Variants in INSYN2B observed in about 807,000 individuals in gnomAD.
INSYN2B encodes protein INSYN2B.
Under a neutral mutation model 41.2 loss-of-function variants are expected in INSYN2B, and 16 were observed. That is an observed-to-expected ratio of 0.39 (90% CI 0.26 to 0.59). INSYN2B has a LOEUF of 0.59. Ranked by LOEUF, INSYN2B falls within the 20% of genes least tolerant of loss-of-function variation. INSYN2B has a pLI of 0.57. For synonymous variants in INSYN2B, 245 were observed against 244.4 expected, an observed-to-expected ratio of 1.00 and a Z score of -0.02; for missense variants, 608 against 646.4, an observed-to-expected ratio of 0.94 and a Z score of 0.64.
At chr5:169,875,933 TA>T (rs1289775181) in intron 3 of INSYN2B, 2 of 152,284 alleles carry the variant, frequency 1.3e-5, no homozygotes, top group African/African-American at 4.8e-5. Context: ...TTTAATGGCT[TA>T]AAACAACATA....
At chr5:169,901,618 AG>A (rs1773931199) in intron 1 of INSYN2B, among the ~76,000 whole-genome samples, 1 of 152,216 alleles carries the variant, frequency 6.6e-6, no homozygotes, top group South Asian at 2.1e-4. Context: ...GGTAACAGTA[AG>A]ATGATGAGAA....
In INSYN2B at chr5:169,881,401, C is replaced by G. The variant is rs547938508; in HGVS notation, c.1388G>C (p.Ser463Thr). ...YRTGQDLNNC[S>T]TCQNTACIIY... is the part of the protein sequence containing the mutation. The stretch of plus-strand genomic sequence containing the variant: ...GATGCACGCCGTGTTCTGGCAGGTA[C>G]TGCAATTGTTGAGATCTTGGCCAGT... Residue 463 changes from serine (S) to threonine (T), a missense_variant, in exon 3 of 4, where the codon AGT becomes ACT. Ser to Thr is a moderately conservative substitution (Grantham distance 58, BLOSUM62 1). Transcript: ENST00000377365. The G allele has an allele frequency of 2.0e-4, 308 of 1,551,522 alleles. No homozygotes were observed. In the East Asian group the frequency reaches 2.4e-3, roughly 12 times the overall value.
At chr5:169,890,495 A>T (rs1773219996) in intron 1 of INSYN2B, among the ~76,000 whole-genome samples, 1 of 152,180 alleles carries the variant, frequency 6.6e-6, no homozygotes, top group South Asian at 2.1e-4. Context: ...TCCAATTTGA[A>T]ATTTGGAAAG....
rs1291060930 is a variant in INSYN2B, at chr5:169,864,025, G to C, written c.*248C>G. Among the ~76,000 whole-genome samples the C allele has an allele frequency of 1.3e-5, 2 of 152,182 alleles. No individual in the cohort carries two copies. Among genetic ancestry groups the C allele is most frequent in the East Asian group, 3.9e-4 (2 of 5,192 alleles). Reference sequence around the variant, plus strand: ...GCATGAGTTCTGGCTGAGTGTGACAGGGAACTTGGCAAGCGGTCACTCTAG... The same window carrying C: ...GCATGAGTTCTGGCTGAGTGTGACACGGAACTTGGCAAGCGGTCACTCTAG... On this transcript the variant is annotated 3_prime_UTR_variant, in exon 4 of 4. Coordinates refer to ENST00000377365, the MANE Select transcript of INSYN2B (RefSeq NM_001129891.3).
At chr5:169,882,220 T>C (rs1420410208) in intron 2 of INSYN2B, among the ~76,000 whole-genome samples, 1 of 152,198 alleles carries the variant, frequency 6.6e-6, no homozygotes, top group Non-Finnish European at 1.5e-5. Flanking sequence ...AGTGCCTTCC[T>C]GCTATCATTT....
intron 1 of INSYN2B, among the ~76,000 whole-genome samples, chr5:169,972,994 A>G (rs1412084318): frequency 6.6e-6 from 1 of 152,130 alleles, no homozygotes; most frequent in Non-Finnish European, 1.5e-5. Context: ...TAGAGGAGGG[A>G]GGAAGTGCTA....
intron 1 of INSYN2B, among the ~76,000 whole-genome samples, chr5:169,961,884 C>T (rs1041095319): frequency 9.5e-5 from 14 of 147,424 alleles, no homozygotes; most frequent in Non-Finnish European, 1.2e-4. Context: ...GAGGCTGAGG[C>T]AGGAGAATCA....
chr5:169,958,240 G>C (rs62386600), intron 1 of INSYN2B, among the ~76,000 whole-genome samples: 1 of 151,534 alleles, frequency 6.6e-6, no homozygotes, highest in Non-Finnish European at 1.5e-5. Context: ...AAAAAAAAAG[G>C]CACCTACCCC....
At chr5:169,980,149 T>G (rs571122141) in intron 1 of INSYN2B, 128 bp downstream of exon 1, 1 of 151,588 alleles carries the variant, frequency 6.6e-6, no homozygotes, top group South Asian at 2.1e-4. Context: ...CACACACACA[T>G]ACAAGCTCCC....
At position 169,870,706 on chromosome 5, in the gene INSYN2B, A is replaced by T. The variant is rs143367557; in HGVS notation, c.1422-6247T>A. On this transcript the variant is annotated intron_variant, in intron 3 of 3. Coordinates refer to ENST00000377365, the MANE Select transcript of INSYN2B (RefSeq NM_001129891.3). The stretch of plus-strand genomic sequence containing the variant: ...CCATGTTGGTATGCTGCACCCATTA[A>T]CTCATCATTTAGCATTAGGTCTGTG... Among the ~76,000 whole-genome samples the T allele has an allele frequency of 5.3e-4, 80 of 152,132 alleles. 4 individuals are homozygous for T. The East Asian group carries it at 0.015, about 29-fold the overall frequency.
intron 1 of INSYN2B, among the ~76,000 whole-genome samples, chr5:169,892,019 G>T (rs74787197): frequency 2.0e-5 from 3 of 146,598 alleles, no homozygotes; most frequent in Non-Finnish European, 3.0e-5. Flanking sequence ...AAAAGAAAAA[G>T]AAAAAAGAAA....
At chr5:169,973,457 T>C (rs1777600393) in intron 1 of INSYN2B, among the ~76,000 whole-genome samples, 1 of 152,174 alleles carries the variant, frequency 6.6e-6, no homozygotes, top group Non-Finnish European at 1.5e-5. Context: ...ACCCTCTGCA[T>C]GTGTCTTCTA....
intron 1 of INSYN2B, among the ~76,000 whole-genome samples, chr5:169,898,372 T>G (rs1581380644): frequency 6.6e-6 from 1 of 152,184 alleles, no homozygotes; most frequent in East Asian, 1.9e-4. Context: ...GTTAGGAGCA[T>G]AGGTTCTAGA....
chr5:169,914,018 T>C (rs770146850), intron 1 of INSYN2B, among the ~76,000 whole-genome samples: 2 of 152,196 alleles, frequency 1.3e-5, no homozygotes, highest in Non-Finnish European at 2.9e-5. Context: ...TAATAGACTT[T>C]GATGGACACC....
chr5:169,894,715 C>T (rs1290255277), intron 1 of INSYN2B, among the ~76,000 whole-genome samples: 1 of 152,212 alleles, frequency 6.6e-6, no homozygotes, highest in Non-Finnish European at 1.5e-5. Flanking sequence ...ATGTGCAACA[C>T]ACAGTAGGTG....
chr5:169,866,539 ATCT>A (rs2113434160), intron 3 of INSYN2B, among the ~76,000 whole-genome samples: 1 of 152,356 alleles, frequency 6.6e-6, no homozygotes, highest in East Asian at 1.9e-4. Flanking sequence ...TTTATTGAGC[ATCT>A]TCTTTGTGGC....
chr5:169,964,212 C>T (rs1191596282), intron 1 of INSYN2B, among the ~76,000 whole-genome samples: 2 of 152,162 alleles, frequency 1.3e-5, no homozygotes, highest in Non-Finnish European at 2.9e-5. Context: ...ACATTCTGTG[C>T]TTTATCCTCG....
At chr5:169,899,561 T>A (rs949281040) in intron 1 of INSYN2B, among the ~76,000 whole-genome samples, 2 of 152,172 alleles carry the variant, frequency 1.3e-5, no homozygotes, top group Non-Finnish European at 2.9e-5. Context: ...AATATAAATG[T>A]TTGTGCAGAG....
intron 3 of INSYN2B, among the ~76,000 whole-genome samples, chr5:169,871,162 G>A (rs1771944383): frequency 6.6e-6 from 1 of 152,068 alleles, no homozygotes; most frequent in African/African-American, 2.4e-5. Context: ...ATCATCACAT[G>A]GGGCATTAGG....
Sources: allele counts gnomAD v4.1 joint callset (sites outside exome capture counted in the v4.1 genomes callset), GRCh38; gene constraint gnomAD v4.1.1; transcripts MANE v1.5; gene names NCBI Gene and HGNC (gene_info 2026-07-23, HGNC 2026-07-21).